Variants in GRIP2 observed in about 807,000 individuals in gnomAD.
GRIP2 encodes the protein glutamate receptor interacting protein 2.
In GRIP2, 58 loss-of-function variants were observed where a neutral mutation model predicts 108.3. The observed-to-expected ratio is 0.54, with a 90% CI of 0.43 to 0.67. GRIP2 has a LOEUF of 0.67. Ranked by LOEUF, GRIP2 falls within the 30% of genes least tolerant of loss-of-function variation. The probability of loss-of-function intolerance (pLI) is 0.00; values close to 1 mark genes in which losing one functional copy is unlikely to be tolerated. For synonymous variants in GRIP2, 586 were observed against 598.2 expected (o/e 0.98, Z 0.30); for missense variants, 1,278 against 1,430.6 (o/e 0.89, Z 1.72).
chr3:14,497,981 G>A (rs984320976), intron 21 of GRIP2, among the ~76,000 whole-genome samples: 2 of 152,072 alleles, frequency 1.3e-5, no homozygotes, highest in African/African-American at 4.8e-5. Context: ...GGGAGGGGAG[G>A]ATGGACTTCT....
chr3:14,537,125 G>A (rs965441925), intron 1 of GRIP2, among the ~76,000 whole-genome samples: 3 of 152,158 alleles, frequency 2.0e-5, no homozygotes, highest in Admixed American at 6.5e-5. Context: ...ACTCTAAAGG[G>A]AGGTGAAGCC....
the GRIP2 span, among the ~76,000 whole-genome samples, chr3:14,601,866 G>A: frequency 6.6e-6 from 1 of 152,226 alleles, no homozygotes; most frequent in Non-Finnish European, 1.5e-5. Context: ...TGGGAGGCCT[G>A]GAAACTACTA....
At chr3:14,588,080 C>A in the GRIP2 span, among the ~76,000 whole-genome samples, 1 of 152,224 alleles carries the variant, frequency 6.6e-6, no homozygotes, top group Non-Finnish European at 1.5e-5. Context: ...TTGTTCCCAA[C>A]CTCCTCCTCA....
chr3:14,492,234 A>T lies in GRIP2; in HGVS notation c.*1431T>A, dbSNP rs537123681. 1.3e-5 allele frequency: 2 copies of T among 152,384 alleles called. No homozygotes were observed. The highest frequency in any genetic ancestry group is 4.1e-4 in the South Asian group (2 of 4,830). The allele number at this position is 152,384 out of a possible 1,614,324, so 9.4% of individuals were successfully genotyped here. On this transcript the variant is annotated 3_prime_UTR_variant, in exon 24 of 24. Coordinates refer to ENST00000621039, the MANE Select transcript of GRIP2 (RefSeq NM_001080423.4). ...AAAAGAACAGACCTCTTGACTCCTC[A>T]TCTGTTCCCTCAAATGGAAGAGCAC...
Position 14,493,654 on chromosome 3 carries a change from A to T in GRIP2, c.*11T>A. On this transcript the variant is annotated 3_prime_UTR_variant, in exon 24 of 24. Transcript: ENST00000621039. The stretch of plus-strand genomic sequence containing the variant: ...GGGTGGCCCCTTAGGAGTTCGGCCC[A>T]CATGCTGACTTCAGAGCATCCGGGG... The T allele has an allele frequency of 6.3e-7, 1 of 1,586,064 alleles. No homozygotes were observed. Among genetic ancestry groups the T allele is most frequent in the Non-Finnish European group, 8.6e-7 (1 of 1,164,732 alleles).
In GRIP2 at chr3:14,509,982, C is replaced by T; in HGVS notation, c.1934-18G>A. 1 of 1,458,742 alleles carries T rather than the reference C, an allele frequency of 6.9e-7. No homozygotes were observed. Among genetic ancestry groups the T allele is most frequent in the African/African-American group, 1.4e-5 (1 of 70,790 alleles). The allele number at this position is 1,458,742 out of a possible 1,614,324, so 90.4% of individuals were successfully genotyped here. ...CAGCTCATCTGCAAGCACGGGGACC[C>T]ATGAGGAGGAGGCCCCCGAGGGGGT... On this transcript the variant is annotated intron_variant, in intron 16 of 23. Transcript: ENST00000621039.
rs535501115 is a variant in GRIP2 at position 14,503,636 on chromosome 3, C to A, written c.2609G>T (p.Trp870Leu). The A allele has an allele frequency of 6.2e-7, 1 of 1,606,770 alleles. No individual in the cohort carries two copies. The highest frequency in any genetic ancestry group is 1.4e-5 in the African/African-American group (1 of 73,730). The change falls in exon 21 of 24, where the codon TGG (tryptophan) becomes TTG (leucine). Residue 870 changes from tryptophan to leucine, a missense_variant. Transcript: ENST00000621039. ...APGPAREEGFWRMFGEALEDL... is the reference protein window; with the variant it reads ...APGPAREEGFLRMFGEALEDL... ...TTCGAGAGCTTCTCCAAACATGCGC[C>A]AGAAGCCCTCCTCTCGGGCAGGGCC...
intron 1 of GRIP2, among the ~76,000 whole-genome samples, chr3:14,533,311 C>T (rs972330300): frequency 6.6e-6 from 1 of 152,222 alleles, no homozygotes; most frequent in Non-Finnish European, 1.5e-5. Context: ...TTATCCTGTG[C>T]AGATTAGATT....
chr3:14,597,323 G>A, the GRIP2 span, among the ~76,000 whole-genome samples: 1 of 152,122 alleles, frequency 6.6e-6, no homozygotes, highest in South Asian at 2.1e-4. Context: ...ATTTTTTCCA[G>A]TGGGGAAAAA....
the GRIP2 span, chr3:14,573,258 G>A: frequency 7.1e-7 from 1 of 1,403,044 alleles, no homozygotes; most frequent in East Asian, 2.3e-5. Flanking sequence ...CTGGGAGCCA[G>A]CTGGAACCAC....
intron 20 of GRIP2, 74 bp from the exon 21 acceptor site, chr3:14,503,745 G>A: frequency 1.4e-6 from 1 of 720,896 alleles, no homozygotes; most frequent in South Asian, 1.7e-5. Flanking sequence ...GAGTCTTCGG[G>A]GCCCCAGGGC....
chr3:14,503,900 G>T, intron 20 of GRIP2: 1 of 560,516 alleles, frequency 1.8e-6, no homozygotes, highest in Non-Finnish European at 3.2e-6. Flanking sequence ...ACTGTCGGTG[G>T]CCAGTTAGAA....
At chr3:14,582,764 C>G in the GRIP2 span, among the ~76,000 whole-genome samples, 1 of 152,204 alleles carries the variant, frequency 6.6e-6, no homozygotes, top group East Asian at 1.9e-4. Context: ...CTCTCTATCC[C>G]CTGATTCTGC....
the GRIP2 span, among the ~76,000 whole-genome samples, chr3:14,566,198 T>C: frequency 6.6e-6 from 1 of 151,572 alleles, no homozygotes; most frequent in Non-Finnish European, 1.5e-5. Context: ...GGAATCGGAG[T>C]CCAGCAGGAA....
At chr3:14,541,813 C>T, upstream of GRIP2, 1 of 1,195,656 alleles carries the variant, frequency 8.4e-7, no homozygotes, top group South Asian at 1.3e-5. Context: ...GAGGGAAGAC[C>T]TGAATTTAGT....
chr3:14,565,978 G>C, the GRIP2 span, among the ~76,000 whole-genome samples: 2 of 152,224 alleles, frequency 1.3e-5, no homozygotes, highest in Non-Finnish European at 2.9e-5. Flanking sequence ...CCATCTCTGG[G>C]TGCTGCTTCC....
At chr3:14,599,708 TG>T in the GRIP2 span, among the ~76,000 whole-genome samples, 2 of 149,480 alleles carry the variant, frequency 1.3e-5, no homozygotes, top group Non-Finnish European at 3.0e-5. Context: ...TGTGTGTGTG[TG>T]TGTTTGTGTG....
At chr3:14,501,952 A>G (rs1693778494) in intron 21 of GRIP2, among the ~76,000 whole-genome samples, 1 of 152,174 alleles carries the variant, frequency 6.6e-6, no homozygotes, top group African/African-American at 2.4e-5. Flanking sequence ...ATGGATCAAT[A>G]GAAAAAAGGA....
chr3:14,545,920 G>T (rs1025948119), upstream of GRIP2, among the ~76,000 whole-genome samples: 22 of 152,324 alleles, frequency 1.4e-4, no homozygotes, highest in African/African-American at 4.3e-4. Flanking sequence ...AGAGCTTCTG[G>T]TCTAGGGAGG....
Sources: gnomAD v4.1 joint callset for allele counts (sites outside exome capture counted in the v4.1 genomes callset) on GRCh38, gnomAD v4.1.1 for gene constraint, MANE v1.5 for transcripts, NCBI Gene and HGNC (gene_info 2026-07-23, HGNC 2026-07-21) for gene names.